NCOA7: variants seen among roughly 807,000 people sequenced by gnomAD.
NCOA7 encodes 140 kDa estrogen receptor-associated protein.
NCOA7 carries 45 observed loss-of-function variants against 104.3 expected under a neutral mutation model. The ratio of observed to expected loss-of-function variants is 0.43; its 90% CI spans 0.34 to 0.55. The LOEUF (loss-of-function observed/expected upper bound fraction) is 0.55, where lower values mean the gene tolerates loss of function less well. Among genes scored for constraint, NCOA7 ranks in the 20% least tolerant of loss-of-function variants. The pLI, the probability that NCOA7 is intolerant of heterozygous loss-of-function variation, is 0.02. For synonymous variants in NCOA7, 398 were observed against 402.3 expected (o/e 0.99, Z 0.13); for missense variants, 1,041 against 1,119.7 (o/e 0.93, Z 1.00).
chr6:125,838,230 C>T (rs1007032212), intron 2 of NCOA7, among the ~76,000 whole-genome samples: 1 of 151,936 alleles, frequency 6.6e-6, no homozygotes, highest in African/African-American at 2.4e-5. Flanking sequence ...CTTGAGGTCA[C>T]GGAAAGAATG....
chr6:125,891,885 C>T (rs535885753), intron 10 of NCOA7, among the ~76,000 whole-genome samples: 2 of 152,308 alleles, frequency 1.3e-5, no homozygotes, highest in Admixed American at 1.3e-4. Context: ...ACTCCATCAC[C>T]TGTGCCTGCA....
intron 2 of NCOA7, among the ~76,000 whole-genome samples, chr6:125,850,064 G>A (rs7743093): frequency 0.036 from 5,513 of 152,118 alleles, 333 homozygotes; most frequent in African/African-American, 0.12. Context: ...AGATATTGAC[G>A]TAAAAACAAA....
intron 2 of NCOA7, among the ~76,000 whole-genome samples, chr6:125,832,290 A>G (rs1337876447): frequency 6.6e-6 from 1 of 152,172 alleles, no homozygotes; most frequent in Non-Finnish European, 1.5e-5. Flanking sequence ...AGTGATGGCT[A>G]TAATAATTTT....
rs1469466771 is a variant in NCOA7 at position 125,890,781 on chromosome 6, A to G, written c.2067A>G (p.Pro689=). The change falls in exon 10 of 16, where the codon CCA becomes CCG. Residue 689 remains proline (P), a synonymous_variant. Transcript: ENST00000392477. ...VQQYGKRRKQ[P]EYWFAVPRER... ...AGTACGGCAAACGGAGAAAGCAGCC[A>G]GAGTACTGGTTTGCTGTTCCTCGGG... 1 of 1,612,504 alleles carries G rather than the reference A, an allele frequency of 6.2e-7. No homozygotes were observed. Among genetic ancestry groups the G allele is most frequent in the East Asian group, 2.2e-5 (1 of 44,760 alleles).
chr6:125,782,960 G>T (rs1774293073), intron 1 of NCOA7, among the ~76,000 whole-genome samples: 1 of 152,158 alleles, frequency 6.6e-6, no homozygotes, highest in African/African-American at 2.4e-5. Context: ...AGAGGCGGGG[G>T]GCAGAGGAGT....
intron 2 of NCOA7, among the ~76,000 whole-genome samples, chr6:125,820,544 G>A (rs149354201): frequency 2.3e-3 from 347 of 152,316 alleles, no homozygotes; most frequent in Non-Finnish European, 4.2e-3. Context: ...AGCTTTCTCT[G>A]TTGTGTGAAT....
chr6:125,811,799 C>G (rs557399919), intron 1 of NCOA7, among the ~76,000 whole-genome samples: 1 of 152,120 alleles, frequency 6.6e-6, no homozygotes, highest in Non-Finnish European at 1.5e-5. Flanking sequence ...AATGCAGTCC[C>G]GTTGGAGGTC....
intron 2 of NCOA7, among the ~76,000 whole-genome samples, chr6:125,824,857 C>T (rs1486778456): frequency 2.0e-5 from 3 of 152,138 alleles, no homozygotes; most frequent in African/African-American, 7.2e-5. Context: ...CTCCCGGGTT[C>T]ACGCCATTCT....
At chr6:125,782,559 A>G (rs1415373676) in intron 1 of NCOA7, among the ~76,000 whole-genome samples, 1 of 152,190 alleles carries the variant, frequency 6.6e-6, no homozygotes, top group African/African-American at 2.4e-5. Flanking sequence ...ACGTATCTGT[A>G]GTCTCCTTCC....
intron 1 of NCOA7, among the ~76,000 whole-genome samples, chr6:125,809,687 T>C (rs956155284): frequency 6.6e-6 from 1 of 152,218 alleles, no homozygotes. Context: ...TAGGAGGAAA[T>C]GCCTGCATAG....
At chr6:125,851,271 C>T (rs755934820) in intron 2 of NCOA7, among the ~76,000 whole-genome samples, 2 of 152,126 alleles carry the variant, frequency 1.3e-5, no homozygotes, top group Non-Finnish European at 2.9e-5. Context: ...ACATCCCACC[C>T]TCCTCTGGTC....
intron 10 of NCOA7, among the ~76,000 whole-genome samples, chr6:125,893,603 G>A (rs1391286378): frequency 1.3e-5 from 2 of 152,154 alleles, no homozygotes; most frequent in East Asian, 1.9e-4. Flanking sequence ...GGGGCTGTGG[G>A]GGGGCCAGAG....
intron 2 of NCOA7, among the ~76,000 whole-genome samples, chr6:125,833,474 T>G (rs1338537743): frequency 1.3e-5 from 2 of 151,406 alleles, no homozygotes; most frequent in African/African-American, 4.9e-5. Flanking sequence ...TCCCAGCTAC[T>G]CGGGAAGCTG....
At chr6:125,900,793 C>T (rs1785428059) in intron 10 of NCOA7, among the ~76,000 whole-genome samples, 1 of 151,716 alleles carries the variant, frequency 6.6e-6, no homozygotes, top group Non-Finnish European at 1.5e-5. Context: ...TTTTTATAGA[C>T]ACACTAAGAC....
At chr6:125,880,741 A>G (rs1233272307) in intron 5 of NCOA7, among the ~76,000 whole-genome samples, 1 of 152,040 alleles carries the variant, frequency 6.6e-6, no homozygotes, top group Non-Finnish European at 1.5e-5. Flanking sequence ...CATGTTGGCC[A>G]GGCTGGTCTC....
At chr6:125,855,327 TAATG>T in intron 3 of NCOA7, 87 bp downstream of exon 3, 1 of 1,071,240 alleles carries the variant, frequency 9.3e-7, no homozygotes. Flanking sequence ...TTGATCATAA[TAATG>T]GTAACAGTTT....
At chr6:125,874,192 G>A (rs1217043144) in intron 3 of NCOA7, among the ~76,000 whole-genome samples, 1 of 152,168 alleles carries the variant, frequency 6.6e-6, no homozygotes, top group Admixed American at 6.5e-5. Flanking sequence ...GGACATGGTG[G>A]CGCACACCTG....
upstream of NCOA7, among the ~76,000 whole-genome samples, chr6:125,790,558 C>G (rs1314758138): frequency 1.3e-5 from 2 of 152,080 alleles, no homozygotes; most frequent in Non-Finnish European, 2.9e-5. Context: ...GCCCAGCCTC[C>G]CAGCTCGGAG....
At chr6:125,854,899 T>A (rs1025594799) in intron 2 of NCOA7, 121 bp from the exon 3 acceptor site, 6 of 646,522 alleles carry the variant, frequency 9.3e-6, no homozygotes, top group African/African-American at 9.1e-5. Flanking sequence ...AACCATATTA[T>A]AAGGAAAGTG....
Sources: allele counts gnomAD v4.1 joint callset (sites outside exome capture counted in the v4.1 genomes callset), GRCh38; gene constraint gnomAD v4.1.1; transcripts MANE v1.5; gene names NCBI Gene and HGNC (gene_info 2026-07-23, HGNC 2026-07-21).